CCDC60: variants seen among roughly 807,000 people sequenced by gnomAD.
CCDC60 encodes the protein coiled-coil domain-containing protein 60.
A neutral mutation model predicts 63.5 loss-of-function variants in CCDC60; 54 were observed. That is an observed-to-expected ratio of 0.85 (90% CI 0.68 to 1.07). The LOEUF (loss-of-function observed/expected upper bound fraction) is 1.07, where lower values mean the gene tolerates loss of function less well. Among genes scored for constraint, CCDC60 ranks in the 50% least tolerant of loss-of-function variants. The pLI, the probability that CCDC60 is intolerant of heterozygous loss-of-function variation, is 0.00. For missense variants in CCDC60, 651 were observed against 684.3 expected (o/e 0.95, Z 0.54); for synonymous variants, 206 against 238.8 (o/e 0.86, Z 1.27).
At chr12:119,383,229 A>G (rs1480730399) in intron 1 of CCDC60, among the ~76,000 whole-genome samples, 1 of 152,208 alleles carries the variant, frequency 6.6e-6, no homozygotes, top group African/African-American at 2.4e-5. Flanking sequence ...GGCAACAGTG[A>G]GATTCTATCT....
chr12:119,405,245 G>C (rs1009763472), intron 1 of CCDC60, among the ~76,000 whole-genome samples: 3 of 152,220 alleles, frequency 2.0e-5, no homozygotes, highest in Non-Finnish European at 4.4e-5. Context: ...TCAGCGACTT[G>C]ATCCTCATTG....
At chr12:119,377,276 A>G (rs1014779964) in intron 1 of CCDC60, among the ~76,000 whole-genome samples, 6 of 139,484 alleles carry the variant, frequency 4.3e-5, no homozygotes, top group East Asian at 2.2e-4. Context: ...AAAAAAAAAA[A>G]AAAGAAAAAG....
chr12:119,411,050 C>T (rs926282469), intron 1 of CCDC60, among the ~76,000 whole-genome samples: 5 of 152,188 alleles, frequency 3.3e-5, no homozygotes, highest in East Asian at 1.9e-4. Context: ...TTTTTTTAAC[C>T]GAAGTTTTAC....
intron 1 of CCDC60, among the ~76,000 whole-genome samples, chr12:119,412,245 C>G (rs957099936): frequency 2.6e-5 from 4 of 151,930 alleles, no homozygotes; most frequent in African/African-American, 9.7e-5. Context: ...GTGGCTTAAG[C>G]TCAGCTCTGC....
chr12:119,369,437 C>A (rs1955876527), intron 1 of CCDC60, among the ~76,000 whole-genome samples: 1 of 152,122 alleles, frequency 6.6e-6, no homozygotes, highest in Non-Finnish European at 1.5e-5. Context: ...CATTAAATTT[C>A]TTAAATCTGC....
chr12:119,365,613 G>C (rs1175039689), intron 1 of CCDC60, among the ~76,000 whole-genome samples: 1 of 152,180 alleles, frequency 6.6e-6, no homozygotes, highest in Non-Finnish European at 1.5e-5. Context: ...AAAGGGCAAA[G>C]GGATCTATCA....
rs185816265 is a variant in CCDC60 at position 119,492,274 on chromosome 12, A to G, written c.557+3408A>G. On this transcript the variant is annotated intron_variant, in intron 5 of 13. Coordinates refer to ENST00000327554, the MANE Select transcript of CCDC60 (RefSeq NM_178499.5). The stretch of plus-strand genomic sequence containing the variant: ...AGGAGGTGAAGAACAATGATTTGTG[A>G]CAATGCCAATTTCCACGGTGTAAAT... Among the ~76,000 whole-genome samples, 566 of 152,286 alleles carry G rather than the reference A, an allele frequency of 3.7e-3. 12 individuals are homozygous for G. The highest frequency in any genetic ancestry group is 1.2e-3 in the East Asian group (6 of 5,182).
At chr12:119,402,726 A>G (rs1276717422) in intron 1 of CCDC60, among the ~76,000 whole-genome samples, 2 of 152,184 alleles carry the variant, frequency 1.3e-5, no homozygotes, top group African/African-American at 2.4e-5. Context: ...TGTGTTGGGT[A>G]ATCTCTCAAC....
At chr12:119,498,289 C>A (rs905095118) in intron 5 of CCDC60, among the ~76,000 whole-genome samples, 10 of 152,160 alleles carry the variant, frequency 6.6e-5, no homozygotes, top group Non-Finnish European at 1.2e-4. Context: ...AGCCTAGACC[C>A]CTGTCATTGT....
chr12:119,454,051 A>G (rs1420190188), intron 2 of CCDC60, among the ~76,000 whole-genome samples: 1 of 152,202 alleles, frequency 6.6e-6, no homozygotes, highest in Non-Finnish European at 1.5e-5. Flanking sequence ...AATGTATCCA[A>G]ATTTTAAAGG....
intron 8 of CCDC60, among the ~76,000 whole-genome samples, chr12:119,517,424 A>G (rs1741471789): frequency 6.6e-6 from 1 of 152,184 alleles, no homozygotes; most frequent in Non-Finnish European, 1.5e-5. Context: ...TGTACTCATT[A>G]TTATTGTGAG....
intron 1 of CCDC60, among the ~76,000 whole-genome samples, chr12:119,369,706 C>T (rs1053689004): frequency 6.6e-6 from 1 of 152,082 alleles, no homozygotes; most frequent in Non-Finnish European, 1.5e-5. Context: ...ATGTAATTAG[C>T]TCGTGGGGTT....
At chr12:119,388,801 G>A (rs568284955) in intron 1 of CCDC60, among the ~76,000 whole-genome samples, 45 of 152,296 alleles carry the variant, frequency 3.0e-4, no homozygotes, top group Admixed American at 2.7e-3. Context: ...AATCCATTTC[G>A]TGGAATAGGT....
At chr12:119,358,597 G>A (rs1278023193) in intron 1 of CCDC60, among the ~76,000 whole-genome samples, 2 of 152,046 alleles carry the variant, frequency 1.3e-5, no homozygotes, top group Admixed American at 6.6e-5. Flanking sequence ...TCCCAGACAT[G>A]GTCCTCCTTC....
chr12:119,494,309 A>G (rs908141982), intron 5 of CCDC60, among the ~76,000 whole-genome samples: 1 of 152,226 alleles, frequency 6.6e-6, no homozygotes, highest in African/African-American at 2.4e-5. Context: ...CCCCTGGCCA[A>G]AGAAGGGAGT....
intron 12 of CCDC60, 59 bp from the exon 13 acceptor site, chr12:119,530,815 C>A: frequency 6.9e-7 from 1 of 1,446,576 alleles, no homozygotes; most frequent in South Asian, 1.3e-5. Flanking sequence ...GATGGATGGC[C>A]AGAGGTGCTC....
chr12:119,368,777 G>A (rs1020249656), intron 1 of CCDC60, among the ~76,000 whole-genome samples: 1 of 152,134 alleles, frequency 6.6e-6, no homozygotes, highest in African/African-American at 2.4e-5. Context: ...CGTAATTAAC[G>A]TGGCCCGGTT....
Position 119,479,127 on chromosome 12 carries a change from A to T in CCDC60, c.375A>T (p.Gly125=). 1 of 1,613,930 alleles carries T rather than the reference A, an allele frequency of 6.2e-7. No homozygotes were observed. The highest frequency in any genetic ancestry group is 8.5e-7 in the Non-Finnish European group (1 of 1,179,936). ...ATGATGAGAAGTTGAAGACACTGGG[A>T]GCTAGAGTCACACGTCGCCCATTCA... is the stretch of plus-strand genomic sequence containing the variant. The part of the protein sequence containing the change: ...TYDDEKLKTL[G]ARVTRRPFTP... Residue 125 remains glycine (G), a synonymous_variant, in exon 4 of 14, where the codon GGA becomes GGT. Coordinates refer to ENST00000327554, the MANE Select transcript of CCDC60 (RefSeq NM_178499.5).
At chr12:119,354,338 T>G (rs1955695052) in intron 1 of CCDC60, among the ~76,000 whole-genome samples, 1 of 152,224 alleles carries the variant, frequency 6.6e-6, no homozygotes, top group Admixed American at 6.5e-5. Flanking sequence ...TTCGTTAATG[T>G]GCTTTCGTCT....
Sources: gnomAD v4.1 joint callset for allele counts (sites outside exome capture counted in the v4.1 genomes callset) on GRCh38, gnomAD v4.1.1 for gene constraint, MANE v1.5 for transcripts, NCBI Gene and HGNC (gene_info 2026-07-23, HGNC 2026-07-21) for gene names.